AMD1: variants seen among roughly 807,000 people sequenced by gnomAD.
AMD1 encodes S-adenosylmethionine decarboxylase proenzyme.
Under a neutral mutation model 40.2 loss-of-function variants are expected in AMD1, and 11 were observed. The ratio of observed to expected loss-of-function variants is 0.27; its 90% CI spans 0.17 to 0.45. The LOEUF (loss-of-function observed/expected upper bound fraction) is 0.45, where lower values mean the gene tolerates loss of function less well. Among genes scored for constraint, AMD1 ranks in the 20% least tolerant of loss-of-function variants. The pLI is 1.00. For missense variants in AMD1, 257 were observed against 410.2 expected, an observed-to-expected ratio of 0.63 and a Z score of 3.23; for synonymous variants, 121 against 130.8, an observed-to-expected ratio of 0.93 and a Z score of 0.51.
At chr6:110,869,344 G>C in the AMD1 span, among the ~76,000 whole-genome samples, 1 of 151,892 alleles carries the variant, frequency 6.6e-6, no homozygotes, top group Non-Finnish European at 1.5e-5. Context: ...GTGTTAGCCA[G>C]GATGATCTCG....
At chr6:110,850,315 C>A in the AMD1 span, among the ~76,000 whole-genome samples, 1 of 152,144 alleles carries the variant, frequency 6.6e-6, no homozygotes, top group Non-Finnish European at 1.5e-5. Context: ...AACTCTTAGA[C>A]GTTGGGAATA....
At chr6:110,847,994 A>G in the AMD1 span, among the ~76,000 whole-genome samples, 1 of 151,634 alleles carries the variant, frequency 6.6e-6, no homozygotes, top group Non-Finnish European at 1.5e-5. Flanking sequence ...GATTACAGGC[A>G]TGAGCCACCG....
At chr6:110,864,726 G>A in the AMD1 span, among the ~76,000 whole-genome samples, 1 of 152,356 alleles carries the variant, frequency 6.6e-6, no homozygotes, top group South Asian at 2.1e-4. Context: ...CTAGGGAAGT[G>A]TTGGGAGTTT....
the AMD1 span, among the ~76,000 whole-genome samples, chr6:110,855,187 C>G: frequency 1.3e-5 from 2 of 149,948 alleles, no homozygotes; most frequent in Non-Finnish European, 3.0e-5. Context: ...AGCTACCATG[C>G]CTGGCCTATG....
At chr6:110,837,557 A>G in the AMD1 span, among the ~76,000 whole-genome samples, 1 of 149,982 alleles carries the variant, frequency 6.7e-6, no homozygotes. Context: ...TTAAAAGTAC[A>G]AAAATTAGCC....
At chr6:110,843,233 C>A in the AMD1 span, among the ~76,000 whole-genome samples, 3 of 151,906 alleles carry the variant, frequency 2.0e-5, no homozygotes, top group Non-Finnish European at 4.4e-5. Context: ...AAGGCCTGGG[C>A]GGGCGGATCC....
At chr6:110,822,542 A>G in the AMD1 span, among the ~76,000 whole-genome samples, 1 of 152,188 alleles carries the variant, frequency 6.6e-6, no homozygotes, top group Non-Finnish European at 1.5e-5. Flanking sequence ...AATCTTCCCC[A>G]ACTCATTCTA....
the AMD1 span, among the ~76,000 whole-genome samples, chr6:110,840,892 A>G: frequency 3.9e-5 from 6 of 152,334 alleles, no homozygotes; most frequent in South Asian, 2.1e-4. Context: ...GGGAGTTATG[A>G]ACCAGGGACT....
chr6:110,859,883 G>A, the AMD1 span, among the ~76,000 whole-genome samples: 1 of 152,150 alleles, frequency 6.6e-6, no homozygotes, highest in South Asian at 2.1e-4. Context: ...AGGCTGGAGT[G>A]CAGTGGTGCG....
At chr6:110,878,638 TA>T (rs1391662761) in intron 1 of AMD1, among the ~76,000 whole-genome samples, 1 of 152,290 alleles carries the variant, frequency 6.6e-6, no homozygotes, top group African/African-American at 2.4e-5. Context: ...AGTGACCATT[TA>T]AAAAATGGTT....
the AMD1 span, among the ~76,000 whole-genome samples, chr6:110,841,790 A>C: frequency 3.3e-5 from 5 of 150,544 alleles, no homozygotes; most frequent in East Asian, 9.7e-4. Context: ...CATTTGTTTT[A>C]TTTTATTTAT....
the AMD1 span, among the ~76,000 whole-genome samples, chr6:110,869,231 CG>C: frequency 6.6e-6 from 1 of 151,556 alleles, no homozygotes; most frequent in South Asian, 2.1e-4. Flanking sequence ...CCCGGGGTCC[CG>C]CCATTCTCCT....
the AMD1 span, among the ~76,000 whole-genome samples, chr6:110,843,468 A>G: frequency 6.6e-6 from 1 of 151,650 alleles, no homozygotes; most frequent in South Asian, 2.1e-4. Flanking sequence ...CCATCTTGAA[A>G]AAAAAAAAAA....
At chr6:110,852,056 G>T in the AMD1 span, among the ~76,000 whole-genome samples, 101 of 137,626 alleles carry the variant, frequency 7.3e-4, no homozygotes, top group African/African-American at 1.4e-3. Flanking sequence ...AGATTTTTTT[G>T]TTTTTTTTTT....
rs1365649487 is a variant in AMD1 at position 110,894,426 on chromosome 6, A to ATG, written c.*813_*814dup. On this transcript the variant is annotated 3_prime_UTR_variant, in exon 9 of 9. Coordinates refer to ENST00000368885, the MANE Select transcript of AMD1 (RefSeq NM_001634.6). ...GGAATTTAGCCTCTCTTTTATTGTA[A>ATG]TGTGCTCTTTTGGAAAATAGTTGGT... is the stretch of plus-strand genomic sequence containing the variant. 5.2e-5 allele frequency: 8 copies of ATG among 152,524 alleles called. No individual in the cohort carries two copies. In the East Asian group the frequency reaches 1.4e-3, roughly 26 times the overall value. 9.4% of individuals were successfully genotyped at this position (152,524 alleles called of 1,614,324 possible). A position where few individuals can be genotyped will look rare whatever the true frequency, so the allele number is the denominator to read the frequency against.
chr6:110,880,540 TGTAAG>T (rs1347031478), intron 1 of AMD1, among the ~76,000 whole-genome samples: 1 of 152,222 alleles, frequency 6.6e-6, no homozygotes, highest in Non-Finnish European at 1.5e-5. Context: ...TTGTTTATGA[TGTAAG>T]GTAAAAGTCC....
the AMD1 span, among the ~76,000 whole-genome samples, chr6:110,851,537 A>G: frequency 2.0e-5 from 3 of 152,068 alleles, no homozygotes; most frequent in African/African-American, 4.8e-5. Context: ...ATCTCCACCC[A>G]CGGCAACCTC....
chr6:110,818,275 T>C, the AMD1 span, among the ~76,000 whole-genome samples: 2 of 152,112 alleles, frequency 1.3e-5, no homozygotes, highest in African/African-American at 4.8e-5. Context: ...CAGTTGCAAG[T>C]AGATTTTTAA....
the AMD1 span, among the ~76,000 whole-genome samples, chr6:110,838,810 G>A: frequency 2.6e-5 from 4 of 152,184 alleles, no homozygotes; most frequent in African/African-American, 9.7e-5. Context: ...AGTGAGCTGA[G>A]GTCGCATCAT....
Sources: allele counts gnomAD v4.1 joint callset (sites outside exome capture counted in the v4.1 genomes callset), GRCh38; gene constraint gnomAD v4.1.1; transcripts MANE v1.5; gene names NCBI Gene and HGNC (gene_info 2026-07-23, HGNC 2026-07-21).